The following ST8SIA2 variants were observed in gnomAD, a reference collection of about 807,000 sequenced individuals.
ST8SIA2 encodes the protein alpha-2,8-sialyltransferase 8B.
A neutral mutation model predicts 37.6 loss-of-function variants in ST8SIA2; 22 were observed. The observed-to-expected ratio is 0.58, with a 90% CI of 0.42 to 0.83. The LOEUF is 0.83. Ranked by LOEUF, ST8SIA2 falls within the 40% of genes least tolerant of loss-of-function variation. ST8SIA2 has a pLI of 0.00. For missense variants in ST8SIA2, 382 were observed against 484.7 expected, an observed-to-expected ratio of 0.79 and a Z score of 1.99; for synonymous variants, 205 against 201.2, an observed-to-expected ratio of 1.02 and a Z score of -0.16.
chr15:92,463,662 G>A (rs958470405), intron 5 of ST8SIA2, among the ~76,000 whole-genome samples: 5 of 152,210 alleles, frequency 3.3e-5, no homozygotes, highest in Non-Finnish European at 7.3e-5. Flanking sequence ...CTACACAACG[G>A]TCAAGTAGTA....
intron 4 of ST8SIA2, among the ~76,000 whole-genome samples, chr15:92,440,275 G>A (rs556034397): frequency 6.6e-6 from 1 of 152,276 alleles, no homozygotes; most frequent in African/African-American, 2.4e-5. Flanking sequence ...TATGAATACA[G>A]TCTGTACTCC....
intron 1 of ST8SIA2, among the ~76,000 whole-genome samples, chr15:92,415,152 A>G (rs1347144736): frequency 6.6e-6 from 1 of 152,116 alleles, no homozygotes; most frequent in Non-Finnish European, 1.5e-5. Flanking sequence ...AAGCAGCCTC[A>G]TCAAGTGTCT....
At chr15:92,445,161 G>A (rs62021045) in intron 5 of ST8SIA2, 240,168 of 619,218 alleles carry the variant, frequency 0.39, 49,327 homozygotes, top group South Asian at 0.51. Context: ...GCCTGCCTAG[G>A]GAACTGAGTT....
chr15:92,444,705 C>T lies in ST8SIA2; in HGVS notation c.618C>T (p.Asn206=), dbSNP rs779818876. Residue 206 remains asparagine (N), a synonymous_variant, in exon 5 of 6, where the codon AAC becomes AAT. Transcript: ENST00000268164. ...VGLKTDLVTM[N]PSVIQRAFED... is the part of the protein sequence containing the mutation. ...TCAAGACAGACCTGGTAACCATGAA[C>T]CCCTCGGTCATCCAGCGGGCCTTTG... 8.6e-5 allele frequency: 139 copies of T among 1,614,126 alleles called. No homozygotes were observed. Among genetic ancestry groups the T allele is most frequent in the Non-Finnish European group, 1.1e-4 (132 of 1,180,062 alleles).
At chr15:92,394,922 G>A (rs1451984708) in intron 1 of ST8SIA2, among the ~76,000 whole-genome samples, 1 of 152,212 alleles carries the variant, frequency 6.6e-6, no homozygotes, top group Non-Finnish European at 1.5e-5. Context: ...GGGCCCTCAG[G>A]CGGGCGATCT....
intron 5 of ST8SIA2, among the ~76,000 whole-genome samples, chr15:92,454,413 A>G (rs1324450856): frequency 6.6e-6 from 1 of 152,024 alleles, no homozygotes; most frequent in Non-Finnish European, 1.5e-5. Flanking sequence ...CCCTCCAAAT[A>G]CAGTCACATT....
intron 1 of ST8SIA2, among the ~76,000 whole-genome samples, chr15:92,394,871 G>A (rs1178152660): frequency 6.6e-6 from 1 of 152,218 alleles, no homozygotes; most frequent in Admixed American, 6.5e-5. Context: ...CGGAGACGGA[G>A]ACATTTCGGG....
rs757407564 is a variant in ST8SIA2 at position 92,438,309 on chromosome 15, C to G, written c.291-44C>G. The G allele has an allele frequency of 8.1e-6, 13 of 1,614,082 alleles. No individual in the cohort carries two copies. The South Asian group carries it at 1.2e-4, about 15-fold the overall frequency. On this transcript the variant is annotated intron_variant, in intron 3 of 5. Coordinates refer to ENST00000268164, the MANE Select transcript of ST8SIA2 (RefSeq NM_006011.4). ...GAAAAGCTGGGCTGGCAAAGGGCAG[C>G]TGGCACCCTGGAGAATTTCCTCACG...
intron 5 of ST8SIA2, among the ~76,000 whole-genome samples, chr15:92,447,893 C>T (rs1046170533): frequency 5.5e-4 from 84 of 152,210 alleles, no homozygotes; most frequent in African/African-American, 1.9e-3. Context: ...ACCCTCATCT[C>T]GTGGACTGTT....
At chr15:92,429,625 G>A (rs1301132573) in intron 1 of ST8SIA2, among the ~76,000 whole-genome samples, 1 of 152,220 alleles carries the variant, frequency 6.6e-6, no homozygotes, top group Non-Finnish European at 1.5e-5. Context: ...AGAATGCAAT[G>A]GACAACAGCT....
Position 92,412,121 on chromosome 15 carries a change from G to C in ST8SIA2, c.99-17928G>C, listed in dbSNP as rs142412371. ...GTGGGGTGAAGCGAGATTCCAAAGA[G>C]AGGTCTCTGATAAAGGGGCCAGAGA... On this transcript the variant is annotated intron_variant, in intron 1 of 5. Coordinates refer to ENST00000268164, the MANE Select transcript of ST8SIA2 (RefSeq NM_006011.4). Among the ~76,000 whole-genome samples the C allele has an allele frequency of 1.2e-4, 18 of 152,300 alleles. No individual in the cohort carries two copies. The East Asian group carries it at 3.1e-3, about 26-fold the overall frequency.
chr15:92,413,888 C>G (rs551008809), intron 1 of ST8SIA2, among the ~76,000 whole-genome samples: 52 of 152,160 alleles, frequency 3.4e-4, no homozygotes, highest in Non-Finnish European at 6.5e-4. Context: ...GTGTGATGCC[C>G]TCAATGACAC....
intron 5 of ST8SIA2, among the ~76,000 whole-genome samples, chr15:92,456,238 T>A (rs1251396138): frequency 6.6e-6 from 1 of 152,248 alleles, no homozygotes; most frequent in Non-Finnish European, 1.5e-5. Flanking sequence ...ACTTGCTGTC[T>A]AGGATGGTGT....
chr15:92,407,564 C>A (rs769466150), intron 1 of ST8SIA2, among the ~76,000 whole-genome samples: 1 of 152,190 alleles, frequency 6.6e-6, no homozygotes, highest in Non-Finnish European at 1.5e-5. Flanking sequence ...TCACAGTTCC[C>A]TAGAGTTCTG....
intron 1 of ST8SIA2, among the ~76,000 whole-genome samples, chr15:92,401,078 C>T (rs1283080723): frequency 6.6e-6 from 1 of 151,976 alleles, no homozygotes; most frequent in Non-Finnish European, 1.5e-5. Context: ...TCCGGAGCCT[C>T]ATCTCTCTCA....
At chr15:92,394,344 G>A (rs2049413483) in intron 1 of ST8SIA2, among the ~76,000 whole-genome samples, 182 bp downstream of exon 1, 1 of 152,184 alleles carries the variant, frequency 6.6e-6, no homozygotes, top group South Asian at 2.1e-4. Flanking sequence ...GGGAGAGGAG[G>A]GTGGGGGCGC....
intron 5 of ST8SIA2, among the ~76,000 whole-genome samples, chr15:92,459,926 GA>G (rs970847478): frequency 6.6e-6 from 1 of 152,144 alleles, no homozygotes; most frequent in Non-Finnish European, 1.5e-5. Context: ...TTCTAATACA[GA>G]AAAAATCTGA....
At chr15:92,433,219 GA>G (rs1351893263) in intron 2 of ST8SIA2, among the ~76,000 whole-genome samples, 1 of 152,108 alleles carries the variant, frequency 6.6e-6, no homozygotes, top group Non-Finnish European at 1.5e-5. Context: ...GCTGTTTCAA[GA>G]TAAATGGAGA....
chr15:92,429,967 G>T (rs1337440438), intron 1 of ST8SIA2, 82 bp from the exon 2 acceptor site: 1 of 1,455,004 alleles, frequency 6.9e-7, no homozygotes, highest in Non-Finnish European at 9.6e-7. Context: ...TTCCAGGTGG[G>T]CTATGGGATC....
Sources: allele counts gnomAD v4.1 joint callset (sites outside exome capture counted in the v4.1 genomes callset), GRCh38; gene constraint gnomAD v4.1.1; transcripts MANE v1.5; gene names NCBI Gene and HGNC (gene_info 2026-07-23, HGNC 2026-07-21).